Variants in SEPTIN2 observed in about 807,000 individuals in gnomAD.
SEPTIN2 encodes septin-2.
SEPTIN2 carries 34 observed loss-of-function variants against 46.5 expected under a neutral mutation model. The ratio of observed to expected loss-of-function variants is 0.73; its 90% confidence interval spans 0.56 to 0.97. The LOEUF (loss-of-function observed/expected upper bound fraction) is 0.97. SEPTIN2 is among the 50% of genes least tolerant of loss of function. The probability of loss-of-function intolerance (pLI) is 0.00; values close to 1 mark genes in which losing one functional copy is unlikely to be tolerated. For missense variants in SEPTIN2, 347 were observed against 448.4 expected (o/e 0.77, Z 2.04); for synonymous variants, 175 against 153.4 (o/e 1.14, Z -1.04).
intron 3 of SEPTIN2, among the ~76,000 whole-genome samples, chr2:241,330,044 A>G (rs2078735140): frequency 6.6e-6 from 1 of 152,224 alleles, no homozygotes; most frequent in South Asian, 2.1e-4. Flanking sequence ...AGAAGTTAGT[A>G]TTATTCCTAA....
chr2:241,327,661 A>G (rs2078227307), intron 3 of SEPTIN2, among the ~76,000 whole-genome samples: 1 of 151,952 alleles, frequency 6.6e-6, no homozygotes, highest in African/African-American at 2.4e-5. Context: ...ACCAGAAACT[A>G]CTGATGAGAC....
At chr2:241,334,098 T>C (rs1240427035) in intron 3 of SEPTIN2, among the ~76,000 whole-genome samples, 1 of 152,170 alleles carries the variant, frequency 6.6e-6, no homozygotes, top group African/African-American at 2.4e-5. Context: ...GGTCTTGAAT[T>C]CTTAGCCTCA....
chr2:241,335,235 G>T, intron 4 of SEPTIN2, 23 bp downstream of exon 4: 1 of 1,607,448 alleles, frequency 6.2e-7, no homozygotes. Context: ...TTATGTTACT[G>T]TAAGTGTAAT....
At chr2:241,341,424 C>G (rs1280145700) in intron 7 of SEPTIN2, among the ~76,000 whole-genome samples, 1 of 152,124 alleles carries the variant, frequency 6.6e-6, no homozygotes, top group African/African-American at 2.4e-5. Flanking sequence ...TTCTCTCCTC[C>G]AAAGTGTAAG....
intron 1 of SEPTIN2, chr2:241,320,362 T>C: frequency 2.2e-6 from 1 of 462,836 alleles, no homozygotes. Flanking sequence ...TATTGGTAAT[T>C]TACAGTGCCC....
chr2:241,336,029 G>A lies in SEPTIN2; in HGVS notation c.272G>A (p.Arg91Gln). Residue 91 changes from arginine (R) to glutamine (Q), a missense_variant, in exon 5 of 13, where the codon CGA (arginine) becomes CAA (glutamine). By Grantham distance (43) the Arg-to-Gln change is conservative. Coordinates refer to ENST00000391971, the MANE Select transcript of SEPTIN2 (RefSeq NM_004404.5). Reference protein sequence around the residue: ...IEASTVEIEERGVKLRLTVVD... With the variant: ...IEASTVEIEEQGVKLRLTVVD... ...GCTTCAACTGTTGAAATTGAAGAGCGAGGGGTCAAGCTACGCCTGACAGTG... is the reference window on the plus strand; with the variant it reads ...GCTTCAACTGTTGAAATTGAAGAGCAAGGGGTCAAGCTACGCCTGACAGTG... 6.2e-6 allele frequency: 10 copies of A among 1,614,068 alleles called. No homozygotes were observed. The highest frequency in any genetic ancestry group is 8.5e-6 in the Non-Finnish European group (10 of 1,179,938).
chr2:241,339,358 G>GA (rs2080937892), intron 7 of SEPTIN2, among the ~76,000 whole-genome samples: 1 of 98,170 alleles, frequency 1.0e-5, no homozygotes, highest in African/African-American at 3.3e-5. Context: ...GGGTGACAGA[G>GA]CAAGACTCCG....
intron 7 of SEPTIN2, among the ~76,000 whole-genome samples, chr2:241,338,890 A>T (rs1157898403): frequency 1.2e-5 from 1 of 83,002 alleles, no homozygotes; most frequent in South Asian, 2.6e-4. Context: ...TCTATAATAT[A>T]TATTATATAT....
chr2:241,333,750 G>A (rs574389832), intron 3 of SEPTIN2, among the ~76,000 whole-genome samples: 10 of 152,126 alleles, frequency 6.6e-5, no homozygotes, highest in African/African-American at 2.4e-4. Flanking sequence ...TGATCCGCCT[G>A]CCTCGGCCTC....
intron 8 of SEPTIN2, among the ~76,000 whole-genome samples, 176 bp downstream of exon 8, chr2:241,343,269 C>T (rs1417951285): frequency 6.6e-6 from 1 of 152,148 alleles, no homozygotes; most frequent in Non-Finnish European, 1.5e-5. Context: ...GAGGCCAAGG[C>T]AGATGGATCA....
At chr2:241,345,808 G>T (rs1559663580) in intron 9 of SEPTIN2, among the ~76,000 whole-genome samples, 1 of 152,312 alleles carries the variant, frequency 6.6e-6, no homozygotes, top group South Asian at 2.1e-4. Flanking sequence ...AGTCCTTTTA[G>T]AAGAGTGTCT....
At chr2:241,330,620 A>G (rs2078841388) in intron 3 of SEPTIN2, among the ~76,000 whole-genome samples, 3 of 152,350 alleles carry the variant, frequency 2.0e-5, no homozygotes, top group East Asian at 1.9e-4. Flanking sequence ...TGTCTTCTGT[A>G]TTCTCCTAGT....
chr2:241,325,842 C>T (rs985168780), intron 2 of SEPTIN2, 151 bp from the exon 3 acceptor site: 1 of 599,058 alleles, frequency 1.7e-6, no homozygotes, highest in Non-Finnish European at 2.7e-6. Context: ...TACTGGTTTT[C>T]TGATAGAAGT....
rs1194722908 is a variant in SEPTIN2 at position 241,326,514 on chromosome 2, GCCTCTTCTC to G, written c.130+402_130+410del. On this transcript the variant is annotated intron_variant, in intron 3 of 12. Coordinates refer to ENST00000391971, the MANE Select transcript of SEPTIN2 (RefSeq NM_004404.5). The stretch of plus-strand genomic sequence containing the variant: ...AAAAGGCATTATGGCCCCCCACCTT[GCCTCTTCTC>G]AAATTACTCACTCTGGAGGAAGCCA... Among the ~76,000 whole-genome samples, 17 of 70,766 alleles carry G rather than the reference GCCTCTTCTC, an allele frequency of 2.4e-4. 6 individuals are homozygous for G. Among genetic ancestry groups the G allele is most frequent in the African/African-American group, 2.5e-4 (5 of 19,910 alleles). 46.4% of individuals were successfully genotyped at this position (70,766 alleles called of 152,430 possible).
chr2:241,334,072 T>C (rs2079494014), intron 3 of SEPTIN2, among the ~76,000 whole-genome samples: 1 of 152,162 alleles, frequency 6.6e-6, no homozygotes, highest in Admixed American at 6.5e-5. Context: ...GGGGTCTCAC[T>C]ATTTTGCCCA....
intron 1 of SEPTIN2, 153 bp from the exon 2 acceptor site, chr2:241,324,063 C>G (rs2077546078): frequency 1.6e-6 from 1 of 630,728 alleles, no homozygotes; most frequent in Non-Finnish European, 2.7e-6. Context: ...TGGCCTAATG[C>G]ATTTGGAAGG....
intron 3 of SEPTIN2, among the ~76,000 whole-genome samples, chr2:241,334,372 A>C (rs1004151942): frequency 6.6e-6 from 1 of 152,192 alleles, no homozygotes; most frequent in Non-Finnish European, 1.5e-5. Context: ...TGTAAAATTT[A>C]ATTTTTGGTA....
At chr2:241,331,789 A>G (rs1352627100) in intron 3 of SEPTIN2, among the ~76,000 whole-genome samples, 1 of 152,250 alleles carries the variant, frequency 6.6e-6, no homozygotes, top group Non-Finnish European at 1.5e-5. Context: ...GAAAAAGAGC[A>G]GAGTTGGAGG....
intron 1 of SEPTIN2, 165 bp downstream of exon 1, chr2:241,316,147 C>T (rs939203027): frequency 1.4e-5 from 3 of 209,786 alleles, no homozygotes; most frequent in Non-Finnish European, 2.9e-5. Context: ...CTCTTCGGCA[C>T]TTATCGTGGG....
Sources: allele counts gnomAD v4.1 joint callset (sites outside exome capture counted in the v4.1 genomes callset), GRCh38; gene constraint gnomAD v4.1.1; transcripts MANE v1.5; gene names NCBI Gene and HGNC (gene_info 2026-07-23, HGNC 2026-07-21).